Variants in AMZ2 observed in about 807,000 individuals in gnomAD.
AMZ2 encodes the protein archaelysin family metallopeptidase 2.
Under a neutral mutation model 36.7 loss-of-function variants are expected in AMZ2, and 26 were observed. That is an observed-to-expected ratio of 0.71 (90% CI 0.52 to 0.98). The LOEUF (loss-of-function observed/expected upper bound fraction) is 0.98, where lower values mean the gene tolerates loss of function less well. Among genes scored for constraint, AMZ2 ranks in the 50% least tolerant of loss-of-function variants. AMZ2 has a pLI of 0.00. For synonymous variants in AMZ2, 144 were observed against 149.1 expected, an observed-to-expected ratio of 0.97 and a Z score of 0.25; for missense variants, 394 against 430.5, an observed-to-expected ratio of 0.92 and a Z score of 0.75.
At chr17:68,234,577 A>G (rs1420509959) in intron 1 of AMZ2, among the ~76,000 whole-genome samples, 1 of 152,048 alleles carries the variant, frequency 6.6e-6, no homozygotes, top group East Asian at 1.9e-4. Context: ...CCTGGTTAAT[A>G]TAGTGAGACA....
At chr17:68,217,973 C>T (rs1385935032) in intron 1 of AMZ2, among the ~76,000 whole-genome samples, 6 of 151,996 alleles carry the variant, frequency 3.9e-5, no homozygotes, top group Non-Finnish European at 5.9e-5. Context: ...CCATCACGCC[C>T]ACCTAATTTT....
chr17:68,240,068 G>A (rs1478216866), intron 1 of AMZ2, among the ~76,000 whole-genome samples: 17 of 152,170 alleles, frequency 1.1e-4, no homozygotes, highest in African/African-American at 4.1e-4. Context: ...ATTTCCCACG[G>A]TTCTAGGAAC....
intron 1 of AMZ2, among the ~76,000 whole-genome samples, chr17:68,216,801 C>T (rs146692669): frequency 1.4e-3 from 211 of 152,218 alleles, no homozygotes; most frequent in African/African-American, 4.3e-3. Context: ...GAGGCTGAGG[C>T]GGGCAGATCA....
At position 68,252,139 on chromosome 17, in the gene AMZ2, A is replaced by G. The variant is rs546208322; in HGVS notation, c.586+961A>G. ...GAAAGGGAAAAGGCCCCCTAAGGGGAGTGGTTCATTAGTGTTCTGGGGATG... is the reference window on the plus strand; with the variant it reads ...GAAAGGGAAAAGGCCCCCTAAGGGGGGTGGTTCATTAGTGTTCTGGGGATG... On this transcript the variant is annotated intron_variant, in intron 4 of 6. Transcript: ENST00000359904. Among the ~76,000 whole-genome samples, 12 of 151,986 alleles carry G rather than the reference A, an allele frequency of 7.9e-5. No homozygotes were observed. The South Asian group carries it at 2.5e-3, about 32-fold the overall frequency.
In AMZ2 at chr17:68,248,134, T is replaced by C. The variant is rs1464337507; in HGVS notation, c.-572T>C. On this transcript the variant is annotated 5_prime_UTR_variant, in exon 1 of 7. Coordinates refer to ENST00000359904, the MANE Select transcript of AMZ2 (RefSeq NM_016627.5). ...GGGTCAGGGCGGTTCGCGGGTGCTG[T>C]CAGAGCTGGGCCGGGGCCCCTAGGC... The C allele has an allele frequency of 7.1e-6, 7 of 986,378 alleles. No homozygotes were observed. Among genetic ancestry groups the C allele is most frequent in the Non-Finnish European group, 8.4e-6 (7 of 830,778 alleles). 61.1% of individuals were successfully genotyped at this position (986,378 alleles called of 1,614,324 possible).
rs1599397471 is a variant in AMZ2 at position 68,248,264 on chromosome 17, T to C, written c.-442T>C. 5 of 985,576 alleles carry C rather than the reference T, an allele frequency of 5.1e-6. No homozygotes were observed. The Admixed American group carries it at 2.5e-4, about 48-fold the overall frequency. The allele number at this position is 985,576 out of a possible 1,614,324, so 61.1% of individuals were successfully genotyped here. ...GAAGCCGCGGGGTCCGCGGGGTCGG[T>C]GCCTCTAGGGAGCCAGGGAGGCCTT... On this transcript the variant is annotated 5_prime_UTR_variant, in exon 1 of 7. Transcript: ENST00000359904.
chr17:68,208,730 C>T (rs782111627), intron 1 of AMZ2, among the ~76,000 whole-genome samples: 8 of 152,180 alleles, frequency 5.3e-5, no homozygotes, highest in African/African-American at 9.6e-5. Flanking sequence ...CTCACCGCGA[C>T]GGTCTGCAGC....
chr17:68,216,353 C>T lies in AMZ2; in HGVS notation c.-67+10115C>T, dbSNP rs139698350. Among the ~76,000 whole-genome samples, 1,018 of 152,238 alleles carry T rather than the reference C, an allele frequency of 6.7e-3. 18 individuals are homozygous for T. The highest frequency in any genetic ancestry group is 0.023 in the African/African-American group (962 of 41,556). ...CTCACTGTGTTGGCCAGGCTGGTCT[C>T]GAACTCCTGGGTTCAAGCAATCCTC... On this transcript the variant is annotated intron_variant, in intron 1 of 7. Transcript: ENST00000674770.
intron 1 of AMZ2, among the ~76,000 whole-genome samples, chr17:68,209,846 CAT>C (rs1759741989): frequency 6.6e-6 from 1 of 151,318 alleles, no homozygotes; most frequent in African/African-American, 2.4e-5. Context: ...GTCTTGAACT[CAT>C]AAACTCAGGT....
At chr17:68,247,990 G>T, upstream of AMZ2, 1 of 985,736 alleles carries the variant, frequency 1.0e-6, no homozygotes, top group Non-Finnish European at 1.2e-6. Flanking sequence ...GCGCGACGCA[G>T]CGGCGCGGCG....
chr17:68,214,805 A>C (rs1173697708), intron 1 of AMZ2, among the ~76,000 whole-genome samples: 1 of 148,772 alleles, frequency 6.7e-6, no homozygotes, highest in African/African-American at 2.5e-5. Context: ...TTTTTTTGAC[A>C]GGGTCTCACT....
chr17:68,222,029 A>G (rs529813039), intron 1 of AMZ2, among the ~76,000 whole-genome samples: 12 of 152,382 alleles, frequency 7.9e-5, no homozygotes, highest in Non-Finnish European at 1.6e-4. Flanking sequence ...AGCTGAGCTT[A>G]TACATTAGCA....
intron 1 of AMZ2, among the ~76,000 whole-genome samples, chr17:68,219,291 C>G (rs1324153752): frequency 6.6e-6 from 1 of 152,140 alleles, no homozygotes; most frequent in Non-Finnish European, 1.5e-5. Flanking sequence ...AACCGGCCTT[C>G]CCTTCCAGCT....
intron 1 of AMZ2, among the ~76,000 whole-genome samples, chr17:68,216,238 G>A (rs1490411481): frequency 2.6e-5 from 4 of 152,234 alleles, no homozygotes; most frequent in East Asian, 3.9e-4. Context: ...GGCTCAGGCT[G>A]TCCTCTCACC....
At chr17:68,211,782 A>ATG (rs71142143) in intron 1 of AMZ2, among the ~76,000 whole-genome samples, 3,854 of 124,118 alleles carry the variant, frequency 0.031, 238 homozygotes, top group African/African-American at 0.16. Flanking sequence ...ATATGTATAT[A>ATG]TGTATATGTA....
intron 5 of AMZ2, among the ~76,000 whole-genome samples, chr17:68,255,013 T>G (rs1415342046): frequency 6.6e-6 from 1 of 152,206 alleles, no homozygotes; most frequent in African/African-American, 2.4e-5. Flanking sequence ...CCAACTCGGT[T>G]TTGTGGAAAG....
At chr17:68,213,021 C>G (rs1399135925) in intron 1 of AMZ2, among the ~76,000 whole-genome samples, 3 of 152,194 alleles carry the variant, frequency 2.0e-5, no homozygotes, top group African/African-American at 7.2e-5. Flanking sequence ...AATGATCTAA[C>G]AAGCTTTATT....
chr17:68,250,037 T>C lies in AMZ2; in HGVS notation c.1-151T>C, dbSNP rs1568374699. The C allele has an allele frequency of 9.0e-6, 7 of 774,990 alleles. No individual in the cohort carries two copies. The South Asian group carries it at 1.1e-4, about 13-fold the overall frequency. 48.0% of individuals were successfully genotyped at this position (774,990 alleles called of 1,614,324 possible). A position where few individuals can be genotyped will look rare whatever the true frequency, so the allele number is the denominator to read the frequency against. On this transcript the variant is annotated intron_variant, in intron 1 of 6. Coordinates refer to ENST00000359904, the MANE Select transcript of AMZ2 (RefSeq NM_016627.5). ...TCTTAGATCTCCAAGAAATTGGACA[T>C]GAGGAAACCACTCTAAGTGTGACCA... is the stretch of plus-strand genomic sequence containing the variant.
At position 68,248,328 on chromosome 17, in the gene AMZ2, C is replaced by A. The variant is rs562420622; in HGVS notation, c.-378C>A. On this transcript the variant is annotated 5_prime_UTR_variant, in exon 1 of 7. Coordinates refer to ENST00000359904, the MANE Select transcript of AMZ2 (RefSeq NM_016627.5). ...GGGGAAGAAGAGGCGAAGCGAGAGT[C>A]CCTGGGGAACCCCCACTCCACTCCC... 149 of 986,022 alleles carry A rather than the reference C, an allele frequency of 1.5e-4. No individual in the cohort carries two copies. The highest frequency in any genetic ancestry group is 7.5e-4 in the South Asian group (16 of 21,308). 61.1% of individuals were successfully genotyped at this position (986,022 alleles called of 1,614,324 possible).
Sources: allele counts gnomAD v4.1 joint callset (sites outside exome capture counted in the v4.1 genomes callset), GRCh38; gene constraint gnomAD v4.1.1; transcripts MANE v1.5; gene names NCBI Gene and HGNC (gene_info 2026-07-23, HGNC 2026-07-21).